The following BICC1 variants were observed in gnomAD, a reference collection of about 807,000 sequenced individuals.
BICC1 encodes BicC family RNA binding protein 1.
In BICC1, 43 loss-of-function variants were observed where a neutral mutation model predicts 111.0. The ratio of observed to expected loss-of-function variants is 0.39; its 90% CI spans 0.30 to 0.50. BICC1 has a LOEUF of 0.50. Among genes scored for constraint, BICC1 ranks in the 20% least tolerant of loss-of-function variants. BICC1 has a pLI of 0.88. For synonymous variants in BICC1, 467 were observed against 434.4 expected (o/e 1.07, Z -0.93); for missense variants, 1,091 against 1,203.2 (o/e 0.91, Z 1.38).
intron 1 of BICC1, among the ~76,000 whole-genome samples, chr10:58,536,514 T>C (rs1842830005): frequency 6.6e-6 from 1 of 151,664 alleles, no homozygotes; most frequent in Non-Finnish European, 1.5e-5. Flanking sequence ...ATTTCTGAAA[T>C]GATTGATAAC....
intron 1 of BICC1, among the ~76,000 whole-genome samples, chr10:58,535,582 T>G (rs1649074): frequency 0.43 from 65,827 of 151,558 alleles, 16,077 homozygotes; most frequent in Admixed American, 0.62. Context: ...TAAAAGGAGT[T>G]CTAAATCTTG....
intron 3 of BICC1, among the ~76,000 whole-genome samples, chr10:58,769,910 G>T (rs1053857378): frequency 1.3e-5 from 2 of 151,956 alleles, no homozygotes. Context: ...GTGGACTTTC[G>T]TACTGATTAG....
chr10:58,780,724 A>G (rs1842861220), intron 3 of BICC1, among the ~76,000 whole-genome samples: 1 of 152,182 alleles, frequency 6.6e-6, no homozygotes, highest in Non-Finnish European at 1.5e-5. Flanking sequence ...ACAGAGTAGA[A>G]ACCAGAGTAC....
chr10:58,590,687 TA>T (rs986402614), intron 1 of BICC1, among the ~76,000 whole-genome samples: 1 of 152,220 alleles, frequency 6.6e-6, no homozygotes, highest in Non-Finnish European at 1.5e-5. Context: ...ATCCACAGCC[TA>T]ATGGAAAGTG....
intron 2 of BICC1, among the ~76,000 whole-genome samples, chr10:58,693,427 A>G (rs1248841594): frequency 6.6e-6 from 1 of 151,986 alleles, no homozygotes; most frequent in African/African-American, 2.4e-5. Context: ...ATCCTTGAGG[A>G]ATCGCCACAC....
intron 3 of BICC1, among the ~76,000 whole-genome samples, chr10:58,708,939 A>G (rs1840486789): frequency 6.6e-6 from 1 of 151,900 alleles, no homozygotes; most frequent in Non-Finnish European, 1.5e-5. Flanking sequence ...TAAAAGGAAA[A>G]CCTTACTGAG....
At chr10:58,552,318 T>A (rs868213940) in intron 1 of BICC1, among the ~76,000 whole-genome samples, 1 of 152,104 alleles carries the variant, frequency 6.6e-6, no homozygotes, top group South Asian at 2.1e-4. Context: ...TTATTCTTAT[T>A]TCTTTTTTTA....
At chr10:58,823,496 C>G (rs762531002) in intron 20 of BICC1, 1 of 983,946 alleles carries the variant, frequency 1.0e-6, no homozygotes, top group African/African-American at 1.7e-5. Context: ...GAAACTGTAT[C>G]GATTAGGGTT....
rs1198651930 is a variant in BICC1, at chr10:58,787,000, TA to T, written c.471del (p.Val158Ter). 6.2e-7 allele frequency: 1 copy of T among 1,610,160 alleles called. No homozygotes were observed. The highest frequency in any genetic ancestry group is 8.5e-7 in the Non-Finnish European group (1 of 1,178,526). Reference sequence around the variant, plus strand: ...TAATCGGCAAAGGTGGCAACAATATTAAAAAAGTGATGGAAGAAACCGGATG... The same window carrying T: ...TAATCGGCAAAGGTGGCAACAATATTAAAAAGTGATGGAAGAAACCGGATG... ...HVIGKGGNNI[K>X]KVMEETGCHI... On this transcript the variant is annotated frameshift_variant, in exon 5 of 21. Coordinates refer to ENST00000373886, the MANE Select transcript of BICC1 (RefSeq NM_001080512.3). LOFTEE classifies it high-confidence loss of function.
chr10:58,790,352 T>C (rs1457930895), intron 8 of BICC1, among the ~76,000 whole-genome samples: 1 of 152,110 alleles, frequency 6.6e-6, no homozygotes, highest in African/African-American at 2.4e-5. Flanking sequence ...AAAGACAAAT[T>C]TTGTCAGCCC....
chr10:58,694,037 T>A (rs1352469467), intron 2 of BICC1, among the ~76,000 whole-genome samples: 1 of 152,132 alleles, frequency 6.6e-6, no homozygotes, highest in African/African-American at 2.4e-5. Context: ...TCCTTGCTCA[T>A]ATCAATAAAT....
intron 1 of BICC1, among the ~76,000 whole-genome samples, chr10:58,611,777 A>G (rs1366992885): frequency 6.6e-6 from 1 of 152,100 alleles, no homozygotes; most frequent in Non-Finnish European, 1.5e-5. Flanking sequence ...GGTGTGAGCC[A>G]CTGTGCCCAG....
intron 1 of BICC1, among the ~76,000 whole-genome samples, chr10:58,550,003 C>G (rs375491557): frequency 6.6e-6 from 1 of 151,770 alleles, no homozygotes; most frequent in African/African-American, 2.4e-5. Flanking sequence ...TTCAAGAATT[C>G]TTTGTATATT....
intron 2 of BICC1, among the ~76,000 whole-genome samples, chr10:58,656,686 C>T (rs1228221756): frequency 1.3e-5 from 2 of 152,290 alleles, no homozygotes; most frequent in African/African-American, 2.4e-5. Flanking sequence ...CCCAGCTTGA[C>T]CTCAGTAAAA....
At chr10:58,537,240 A>G (rs1842848952) in intron 1 of BICC1, among the ~76,000 whole-genome samples, 1 of 151,836 alleles carries the variant, frequency 6.6e-6, no homozygotes, top group Non-Finnish European at 1.5e-5. Context: ...TCCTGATACC[A>G]AAGCCAAGAA....
intron 2 of BICC1, among the ~76,000 whole-genome samples, chr10:58,656,585 C>G (rs1838659944): frequency 6.6e-6 from 1 of 151,218 alleles, no homozygotes; most frequent in Non-Finnish European, 1.5e-5. Flanking sequence ...ATAAACAGAG[C>G]CAAAGACAAA....
In BICC1 at chr10:58,799,254, T is replaced by TAATG. The variant is rs1249990976; in HGVS notation, c.1725+3_1725+6dup. 3 of 1,585,844 alleles carry TAATG rather than the reference T, an allele frequency of 1.9e-6. No homozygotes were observed. In the African/African-American group the frequency reaches 4.0e-5, roughly 21 times the overall value. On this transcript the variant is annotated splice_region_variant and intron_variant, in intron 12 of 20. Coordinates refer to ENST00000373886, the MANE Select transcript of BICC1 (RefSeq NM_001080512.3). ...GCTGCTTTAAATGGACATGCACAGG[T>TAATG]AATGGCCTTCTGCCAGAATGTGTGT... is the stretch of plus-strand genomic sequence containing the variant.
At chr10:58,554,145 G>A (rs898912797) in intron 1 of BICC1, among the ~76,000 whole-genome samples, 1 of 152,066 alleles carries the variant, frequency 6.6e-6, no homozygotes. Flanking sequence ...TGGAAGGCAG[G>A]AATTGATTGA....
intron 2 of BICC1, among the ~76,000 whole-genome samples, chr10:58,646,800 T>A (rs1315730658): frequency 2.0e-5 from 3 of 151,812 alleles, no homozygotes; most frequent in African/African-American, 7.3e-5. Context: ...TGATTTTTTT[T>A]AAATTAAATA....
Sources: gnomAD v4.1 joint callset for allele counts (sites outside exome capture counted in the v4.1 genomes callset) on GRCh38, gnomAD v4.1.1 for gene constraint, MANE v1.5 for transcripts, NCBI Gene and HGNC (gene_info 2026-07-23, HGNC 2026-07-21) for gene names.